The following STX16 variants were observed in gnomAD, a reference collection of about 807,000 sequenced individuals.
STX16 encodes the protein syntaxin-16.
STX16 carries 28 observed loss-of-function variants against 42.7 expected under a neutral mutation model. The observed-to-expected ratio is 0.66, with a 90% CI of 0.49 to 0.90. The LOEUF (loss-of-function observed/expected upper bound fraction) is 0.90, where lower values mean the gene tolerates loss of function less well. Ranked by LOEUF, STX16 falls within the 40% of genes least tolerant of loss-of-function variation. STX16 has a pLI of 0.00. For synonymous variants in STX16, 156 were observed against 155.2 expected (o/e 1.00, Z -0.04); for missense variants, 361 against 420.9 (o/e 0.86, Z 1.24).
chr20:58,674,915 C>G (rs940245610), intron 8 of STX16, among the ~76,000 whole-genome samples: 1 of 152,162 alleles, frequency 6.6e-6, no homozygotes, highest in Non-Finnish European at 1.5e-5. Flanking sequence ...AAAGCTTTCT[C>G]TGCGGGAGTG....
At chr20:58,663,115 G>A (rs2083739263) in intron 2 of STX16, among the ~76,000 whole-genome samples, 1 of 152,162 alleles carries the variant, frequency 6.6e-6, no homozygotes, top group South Asian at 2.1e-4. Flanking sequence ...AGTGTTCATT[G>A]CCATAGACAG....
At chr20:58,675,720 C>A (rs2084099102) in intron 8 of STX16, among the ~76,000 whole-genome samples, 1 of 152,206 alleles carries the variant, frequency 6.6e-6, no homozygotes, top group African/African-American at 2.4e-5. Flanking sequence ...AATGGGGCCT[C>A]TTCCGGGTGT....
intron 1 of STX16, among the ~76,000 whole-genome samples, chr20:58,658,373 A>G (rs2083625160): frequency 6.6e-6 from 1 of 152,170 alleles, no homozygotes; most frequent in Non-Finnish European, 1.5e-5. Context: ...TTTCCATTTG[A>G]TTTATTAATA....
At chr20:58,672,661 C>G (rs377689065) in intron 7 of STX16, among the ~76,000 whole-genome samples, 3 of 152,224 alleles carry the variant, frequency 2.0e-5, no homozygotes, top group African/African-American at 7.2e-5. Flanking sequence ...TTCTAATATT[C>G]TCTTCCCATG....
chr20:58,666,781 A>G (rs928523669), intron 2 of STX16, among the ~76,000 whole-genome samples: 2 of 152,218 alleles, frequency 1.3e-5, no homozygotes, highest in African/African-American at 4.8e-5. Flanking sequence ...ATATAGTTAA[A>G]ATAAACAGGA....
chr20:58,653,195 A>C (rs953957533), intron 1 of STX16, among the ~76,000 whole-genome samples: 1 of 152,236 alleles, frequency 6.6e-6, no homozygotes, highest in African/African-American at 2.4e-5. Flanking sequence ...CTTGGGGGTT[A>C]TACTTGATAT....
intron 2 of STX16, among the ~76,000 whole-genome samples, chr20:58,666,390 C>G (rs2083828068): frequency 6.6e-6 from 1 of 151,306 alleles, no homozygotes; most frequent in Non-Finnish European, 1.5e-5. Flanking sequence ...GTGCCAAACC[C>G]ATGATTTCCC....
intron 1 of STX16, among the ~76,000 whole-genome samples, chr20:58,655,456 C>T (rs1459440449): frequency 6.6e-6 from 1 of 152,088 alleles, no homozygotes; most frequent in African/African-American, 2.4e-5. Flanking sequence ...GTCAAATAAA[C>T]AGGAATTTAA....
intron 8 of STX16, among the ~76,000 whole-genome samples, chr20:58,674,235 A>T (rs2084049556): frequency 6.6e-6 from 1 of 152,174 alleles, no homozygotes; most frequent in Admixed American, 6.5e-5. Flanking sequence ...TTGAAGTGAG[A>T]GTAGTAATTC....
intron 1 of STX16, among the ~76,000 whole-genome samples, chr20:58,652,760 T>C (rs2083499420): frequency 6.6e-6 from 1 of 152,146 alleles, no homozygotes; most frequent in African/African-American, 2.4e-5. Context: ...GCTAGCCTCT[T>C]CACTTTCCAT....
At chr20:58,672,499 A>T (rs912534751) in intron 7 of STX16, among the ~76,000 whole-genome samples, 1 of 147,826 alleles carries the variant, frequency 6.8e-6, no homozygotes, top group Non-Finnish European at 1.5e-5. Flanking sequence ...TCCAAAATCT[A>T]AAAAAAAAAT....
Position 58,673,664 on chromosome 20 carries a change from G to C in STX16, c.826G>C (p.Glu276Gln), listed in dbSNP as rs2084036879. Reference sequence around the variant, plus strand: ...CCTTGACAGAATTGACTATAACGTTGAACAGTCCTGTATCAAAACTGAAGA... The same window carrying C: ...CCTTGACAGAATTGACTATAACGTTCAACAGTCCTGTATCAAAACTGAAGA... Reference protein sequence around the residue: ...TVLDRIDYNVEQSCIKTEDGL... With the variant: ...TVLDRIDYNVQQSCIKTEDGL... Residue 276 changes from glutamate to glutamine, a missense_variant, in exon 8 of 9, where the codon GAA (glutamate) becomes CAA (glutamine). By Grantham distance (29) the Glu-to-Gln change is conservative (BLOSUM62 2). Transcript: ENST00000371141. The C allele has an allele frequency of 6.2e-7, 1 of 1,613,450 alleles. No homozygotes were observed. Among genetic ancestry groups the C allele is most frequent in the Admixed American group, 1.7e-5 (1 of 59,988 alleles).
chr20:58,658,093 A>G (rs1180860678), intron 1 of STX16, among the ~76,000 whole-genome samples: 1 of 152,222 alleles, frequency 6.6e-6, no homozygotes, highest in Non-Finnish European at 1.5e-5. Flanking sequence ...TGTAGAAATC[A>G]GAAGATCAGG....
chr20:58,668,256 G>A (rs2083884961), intron 4 of STX16, 129 bp downstream of exon 4: 3 of 1,250,564 alleles, frequency 2.4e-6, no homozygotes, highest in Non-Finnish European at 2.2e-6. Context: ...GGGACCTCAA[G>A]AGGCCCTGAA....
At chr20:58,654,762 A>G (rs902079455) in intron 1 of STX16, among the ~76,000 whole-genome samples, 3 of 152,226 alleles carry the variant, frequency 2.0e-5, no homozygotes, top group African/African-American at 7.2e-5. Context: ...AATACATTAC[A>G]TTTGCTAATT....
chr20:58,665,659 G>A (rs1313943187), intron 2 of STX16, among the ~76,000 whole-genome samples: 1 of 152,184 alleles, frequency 6.6e-6, no homozygotes, highest in African/African-American at 2.4e-5. Context: ...TAGTGGTGGT[G>A]GAGAATTACC....
At position 58,654,775 on chromosome 20, in the gene STX16, A is replaced by C. The variant is rs188671806; in HGVS notation, c.132+2637A>C. On this transcript the variant is annotated intron_variant, in intron 1 of 8. Transcript: ENST00000371141. Reference sequence around the variant, plus strand: ...ATAATACATTACATTTGCTAATTTTATTAGAGATGCCTACTGAAATGTTTA... The same window carrying C: ...ATAATACATTACATTTGCTAATTTTCTTAGAGATGCCTACTGAAATGTTTA... Among the ~76,000 whole-genome samples the C allele has an allele frequency of 5.6e-3, 857 of 152,346 alleles. 11 individuals are homozygous for C. The highest frequency in any genetic ancestry group is 6.1e-3 in the Non-Finnish European group (418 of 68,022).
intron 2 of STX16, among the ~76,000 whole-genome samples, chr20:58,664,753 A>G (rs1228224324): frequency 1.3e-5 from 2 of 152,268 alleles, no homozygotes; most frequent in African/African-American, 4.8e-5. Flanking sequence ...GTAAATTTAG[A>G]TAGATACCAT....
chr20:58,657,667 A>G lies in STX16; in HGVS notation c.133-1956A>G, dbSNP rs1266795278. 6.6e-6 allele frequency among the ~76,000 whole-genome samples: 1 copy of G among 152,180 alleles called. No homozygotes were observed. Among genetic ancestry groups the G allele is most frequent in the African/African-American group, 2.4e-5 (1 of 41,446 alleles). On this transcript the variant is annotated intron_variant, in intron 1 of 8. Transcript: ENST00000371141. This position sits in a 1 kb window ranked among gnomAD's most constrained non-coding sequence, Gnocchi z 4.2. Reference sequence around the variant, plus strand: ...TGATGATGTGTAGTAACGTGTTTTCATTTGGCTTTATTTTGGTCTTTCTTG... The same window carrying G: ...TGATGATGTGTAGTAACGTGTTTTCGTTTGGCTTTATTTTGGTCTTTCTTG...
Sources: allele counts gnomAD v4.1 joint callset (sites outside exome capture counted in the v4.1 genomes callset), GRCh38; gene constraint gnomAD v4.1.1; non-coding constraint Gnocchi (gnomAD v3.1); transcripts MANE v1.5; gene names NCBI Gene and HGNC (gene_info 2026-07-23, HGNC 2026-07-21).